RYR2: variants seen among roughly 807,000 people sequenced by gnomAD.
RYR2 encodes the protein ryanodine receptor 2.
RYR2 carries 227 observed loss-of-function variants against 601.1 expected under a neutral mutation model. That is an observed-to-expected ratio of 0.38 (90% confidence interval 0.34 to 0.42). The LOEUF (loss-of-function observed/expected upper bound fraction) is 0.42. Ranked by LOEUF, RYR2 falls within the 10% of genes least tolerant of loss-of-function variation. RYR2 has a pLI of 1.00. For missense variants in RYR2, 4,646 were observed against 6,156.5 expected, an observed-to-expected ratio of 0.75 and a Z score of 8.21; for synonymous variants, 2,223 against 2,175.1, an observed-to-expected ratio of 1.02 and a Z score of -0.61.
intron 63 of RYR2, among the ~76,000 whole-genome samples, chr1:237,693,170 A>T (rs1687098257): frequency 6.6e-6 from 1 of 151,626 alleles, no homozygotes; most frequent in South Asian, 2.1e-4. Flanking sequence ...ATTAAGAAAA[A>T]TGTAGTACCT....
At chr1:237,577,107 T>C (rs2148337262) in intron 29 of RYR2, among the ~76,000 whole-genome samples, 1 of 152,236 alleles carries the variant, frequency 6.6e-6, no homozygotes, top group African/African-American at 2.4e-5. Context: ...TCTACTCCAG[T>C]TTTTTAGCTA....
intron 2 of RYR2, among the ~76,000 whole-genome samples, chr1:237,313,476 T>C (rs931351050): frequency 3.3e-5 from 5 of 152,172 alleles, no homozygotes; most frequent in African/African-American, 1.2e-4. Context: ...TGATGCACTT[T>C]AAAGATGGAG....
At chr1:237,459,576 A>G (rs1299409237) in intron 16 of RYR2, among the ~76,000 whole-genome samples, 2 of 152,202 alleles carry the variant, frequency 1.3e-5, no homozygotes, top group African/African-American at 2.4e-5. Context: ...TATTGTATCC[A>G]TGAGTAGCAA....
intron 1 of RYR2, among the ~76,000 whole-genome samples, chr1:237,110,768 C>G (rs1393051815): frequency 2.6e-5 from 4 of 152,220 alleles, no homozygotes; most frequent in Non-Finnish European, 5.9e-5. Context: ...TCTGAAACCT[C>G]CTGCTGTGGA....
At chr1:237,781,309 C>CAAAG (rs992317663) in intron 88 of RYR2, among the ~76,000 whole-genome samples, 36 of 152,330 alleles carry the variant, frequency 2.4e-4, no homozygotes, top group African/African-American at 8.2e-4. Flanking sequence ...CTCGGCCTCC[C>CAAAG]AAAGAAGTGC....
At chr1:237,293,761 G>A (rs967382951) in intron 2 of RYR2, among the ~76,000 whole-genome samples, 4 of 152,160 alleles carry the variant, frequency 2.6e-5, no homozygotes, top group Admixed American at 1.3e-4. Context: ...CCTGTCCAGC[G>A]CATTACCCTC....
intron 90 of RYR2, 37 bp downstream of exon 90, chr1:237,785,009 G>T: frequency 7.2e-7 from 1 of 1,388,940 alleles, no homozygotes; most frequent in South Asian, 1.2e-5. Flanking sequence ...ATTCTCTCTG[G>T]ACTTCAGGTG....
chr1:237,567,367 C>T (rs1405660753), intron 28 of RYR2, among the ~76,000 whole-genome samples: 1 of 139,470 alleles, frequency 7.2e-6, no homozygotes, highest in Non-Finnish European at 1.5e-5. Flanking sequence ...TCACTTGGGG[C>T]TAGGAGTGCA....
rs567085695 is a variant in RYR2 at position 237,827,915 on chromosome 1, T to C, written c.14591-466T>C. On this transcript the variant is annotated intron_variant, in intron 101 of 104. Coordinates refer to ENST00000366574, the MANE Select transcript of RYR2 (RefSeq NM_001035.3). ...TTGTGCCACTGCACTCCAGCCTGGG[T>C]GACAGAATGAGACTCCGTCTCAAAA... is the stretch of plus-strand genomic sequence containing the variant. 2.1e-3 allele frequency among the ~76,000 whole-genome samples: 230 copies of C among 108,928 alleles called. 1 individual carries two copies. The highest frequency in any genetic ancestry group is 0.011 in the Middle Eastern group (1 of 88). 71.5% of individuals were successfully genotyped at this position (108,928 alleles called of 152,430 possible).
At chr1:237,161,178 A>G (rs1675967803) in intron 1 of RYR2, among the ~76,000 whole-genome samples, 1 of 152,162 alleles carries the variant, frequency 6.6e-6, no homozygotes, top group Non-Finnish European at 1.5e-5. Context: ...ATTAGACCAG[A>G]TGATGTTGTA....
At chr1:237,539,544 A>T (rs1202525338) in intron 25 of RYR2, among the ~76,000 whole-genome samples, 1 of 152,250 alleles carries the variant, frequency 6.6e-6, no homozygotes, top group African/African-American at 2.4e-5. Context: ...TGTACTGTGC[A>T]GCCAGTGGAG....
In RYR2 at chr1:237,147,121, A is replaced by T. The variant is rs145737556; in HGVS notation, c.48+104552A>T. On this transcript the variant is annotated intron_variant, in intron 1 of 104. Coordinates refer to ENST00000366574, the MANE Select transcript of RYR2 (RefSeq NM_001035.3). Reference sequence around the variant, plus strand: ...AAATATAGATGTGAAATCTCAGGAAACTCTTTTTACTTAAAAATATTAAGT... The same window carrying T: ...AAATATAGATGTGAAATCTCAGGAATCTCTTTTTACTTAAAAATATTAAGT... Among the ~76,000 whole-genome samples the T allele has an allele frequency of 6.1e-3, 934 of 152,166 alleles. 7 individuals are homozygous for T. Among genetic ancestry groups the T allele is most frequent in the South Asian group, 0.03 (146 of 4,822 alleles).
At chr1:237,413,455 G>T (rs534569507) in intron 10 of RYR2, among the ~76,000 whole-genome samples, 2 of 152,080 alleles carry the variant, frequency 1.3e-5, no homozygotes, top group Non-Finnish European at 2.9e-5. Flanking sequence ...TAAACCATTT[G>T]CGTGATAATT....
chr1:237,377,420 C>T lies in RYR2; in HGVS notation c.561C>T (p.Ser187=), dbSNP rs1303356039. 2.5e-6 allele frequency: 4 copies of T among 1,613,086 alleles called. No individual in the cohort carries two copies. Among genetic ancestry groups the T allele is most frequent in the African/African-American group, 2.7e-5 (2 of 74,896 alleles). The change falls in exon 8 of 105, where the codon TCC becomes TCT. Residue 187 remains serine, a synonymous_variant. Transcript: ENST00000366574. ...VGDDLILVSV[S]SERYLHLSYG... Reference sequence around the variant, plus strand: ...ATGACCTCATCTTAGTTAGCGTGTCCTCTGAAAGGTACTTGGTAAGTGTGG... The same window carrying T: ...ATGACCTCATCTTAGTTAGCGTGTCTTCTGAAAGGTACTTGGTAAGTGTGG...
Position 237,641,045 on chromosome 1 carries a change from G to A in RYR2, c.7221+43G>A, listed in dbSNP as rs760252297. 5.6e-6 allele frequency: 8 copies of A among 1,434,066 alleles called. 1 individual carries two copies. In the South Asian group the frequency reaches 1.0e-4, roughly 18 times the overall value. 88.8% of individuals were successfully genotyped at this position (1,434,066 alleles called of 1,614,324 possible). A position where few individuals can be genotyped will look rare whatever the true frequency, so the allele number is the denominator to read the frequency against. ...CAGGAGCAGCAATCCTGATTTCTCTGTGTTAAGACATCTATAGCTGTCAAA... is the reference window on the plus strand; with the variant it reads ...CAGGAGCAGCAATCCTGATTTCTCTATGTTAAGACATCTATAGCTGTCAAA... On this transcript the variant is annotated intron_variant, in intron 47 of 104. Coordinates refer to ENST00000366574, the MANE Select transcript of RYR2 (RefSeq NM_001035.3).
In RYR2 at chr1:237,042,492, G is replaced by C. The variant is rs545119721; in HGVS notation, c.-30G>C. 87 of 1,246,006 alleles carry C rather than the reference G, an allele frequency of 7.0e-5. No individual in the cohort carries two copies. The South Asian group carries it at 9.0e-4, about 13-fold the overall frequency. 77.2% of individuals were successfully genotyped at this position (1,246,006 alleles called of 1,614,324 possible). A position where few individuals can be genotyped will look rare whatever the true frequency, so the allele number is the denominator to read the frequency against. On this transcript the variant is annotated 5_prime_UTR_variant, in exon 1 of 105. Coordinates refer to ENST00000366574, the MANE Select transcript of RYR2 (RefSeq NM_001035.3). ...CGCCGCCGAGCTCCGCGGGGCTCGG[G>C]AGCCGGCCCCGGCGAGGAGGCGCGG...
At chr1:237,640,872 C>G (rs1225374302) in intron 46 of RYR2, 25 bp from the exon 47 acceptor site, 3 of 1,592,918 alleles carry the variant, frequency 1.9e-6, no homozygotes, top group Admixed American at 1.7e-5. Flanking sequence ...TTTGCTTTCT[C>G]TTTCTTTTGA....
intron 97 of RYR2, among the ~76,000 whole-genome samples, chr1:237,801,454 A>G (rs566262506): frequency 6.0e-4 from 91 of 151,288 alleles, no homozygotes; most frequent in African/African-American, 2.2e-3. Flanking sequence ...AGGCACGAGA[A>G]TCGCTTGAAC....
At chr1:237,225,669 T>C (rs1684283790) in intron 1 of RYR2, among the ~76,000 whole-genome samples, 1 of 152,098 alleles carries the variant, frequency 6.6e-6, no homozygotes, top group Non-Finnish European at 1.5e-5. Flanking sequence ...AGCCATCTCC[T>C]GGGGGTAAAG....
Sources: gnomAD v4.1 joint callset for allele counts (sites outside exome capture counted in the v4.1 genomes callset) on GRCh38, gnomAD v4.1.1 for gene constraint, MANE v1.5 for transcripts, NCBI Gene and HGNC (gene_info 2026-07-23, HGNC 2026-07-21) for gene names.